TNR: variants seen among roughly 807,000 people sequenced by gnomAD.
TNR encodes tenascin-R.
TNR carries 45 observed loss-of-function variants against 150.4 expected under a neutral mutation model. That is an observed-to-expected ratio of 0.30 (90% CI 0.24 to 0.38). TNR has a LOEUF of 0.38. TNR is among the 10% of genes least tolerant of loss of function. The pLI is 1.00. For missense variants in TNR, 1,544 were observed against 1,759.1 expected (o/e 0.88, Z 2.19); for synonymous variants, 687 against 678.4 (o/e 1.01, Z -0.20).
rs1553203239 is a variant in TNR at position 175,331,037 on chromosome 1, C to CTTTCT, written c.3632-807_3632-803dup. Among the ~76,000 whole-genome samples the CTTTCT allele has an allele frequency of 7.9e-4, 57 of 72,532 alleles. 3 individuals are homozygous for CTTTCT. Among genetic ancestry groups the CTTTCT allele is most frequent in the African/African-American group, 2.5e-3 (55 of 22,196 alleles). 47.6% of individuals were successfully genotyped at this position (72,532 alleles called of 152,430 possible). A position where few individuals can be genotyped will look rare whatever the true frequency, so the allele number is the denominator to read the frequency against. On this transcript the variant is annotated intron_variant, in intron 20 of 22. Coordinates refer to ENST00000367674, the MANE Select transcript of TNR (RefSeq NM_003285.3). Reference sequence around the variant, plus strand: ...TCTTTCTTTCTTTCTTTCTTTCTTTCTTTCTTTCTTTCTTTCTTTCTTTCT... The same window carrying CTTTCT: ...TCTTTCTTTCTTTCTTTCTTTCTTTCTTTCTTTTCTTTCTTTCTTTCTTTCTTTCT...
At chr1:175,449,126 C>A (rs1417408603) in intron 2 of TNR, among the ~76,000 whole-genome samples, 2 of 152,226 alleles carry the variant, frequency 1.3e-5, no homozygotes, top group East Asian at 3.8e-4. Flanking sequence ...ATAGTAGAGA[C>A]CACTTGGAGT....
chr1:175,600,162 G>A (rs190531919), intron 1 of TNR, among the ~76,000 whole-genome samples: 1 of 152,304 alleles, frequency 6.6e-6, no homozygotes, highest in East Asian at 1.9e-4. Flanking sequence ...GTGTGTCAGA[G>A]AAGTTCTGCA....
intron 9 of TNR, among the ~76,000 whole-genome samples, chr1:175,376,873 T>TAA (rs1249749157): frequency 8.0e-6 from 1 of 125,018 alleles, no homozygotes; most frequent in Non-Finnish European, 1.7e-5. Context: ...TATATATATA[T>TAA]ATATATACAC....
At position 175,420,250 on chromosome 1, in the gene TNR, T is replaced by A. The variant is rs189552574; in HGVS notation, c.-63-13473A>T. Among the ~76,000 whole-genome samples, 728 of 152,290 alleles carry A rather than the reference T, an allele frequency of 4.8e-3. 4 individuals are homozygous for A. The highest frequency in any genetic ancestry group is 6.0e-3 in the Non-Finnish European group (406 of 68,028). ...GCTGTCCTGTGCCTGTCCCTGCAGG[T>A]ACCCACAGGAATCTGACTTCCTGGA... On this transcript the variant is annotated intron_variant, in intron 2 of 22. Coordinates refer to ENST00000367674, the MANE Select transcript of TNR (RefSeq NM_003285.3).
At chr1:175,404,473 G>A (rs369269861) in intron 3 of TNR, among the ~76,000 whole-genome samples, 42 of 152,280 alleles carry the variant, frequency 2.8e-4, no homozygotes, top group South Asian at 2.7e-3. Context: ...GATAACTACA[G>A]TGGTTAATTT....
chr1:175,428,521 A>C (rs1003244197), intron 2 of TNR, among the ~76,000 whole-genome samples: 2 of 152,208 alleles, frequency 1.3e-5, no homozygotes, highest in Non-Finnish European at 2.9e-5. Flanking sequence ...GCAACCCTGG[A>C]AGTCGAAGTT....
chr1:175,686,306 C>T (rs767479879), intron 1 of TNR, among the ~76,000 whole-genome samples: 2 of 152,180 alleles, frequency 1.3e-5, no homozygotes, highest in African/African-American at 4.8e-5. Context: ...CTTCTTCAAT[C>T]ATCTTGGAAA....
At chr1:175,738,232 T>G (rs965755141) in intron 1 of TNR, among the ~76,000 whole-genome samples, 1 of 152,072 alleles carries the variant, frequency 6.6e-6, no homozygotes, top group Non-Finnish European at 1.5e-5. Flanking sequence ...GCAGAGGCAA[T>G]TGGCAAGAAT....
At chr1:175,669,119 C>G (rs1420073793) in intron 1 of TNR, among the ~76,000 whole-genome samples, 2 of 152,226 alleles carry the variant, frequency 1.3e-5, no homozygotes, top group African/African-American at 2.4e-5. Flanking sequence ...CCCATATTCT[C>G]CCAGTAGGCA....
Position 175,706,755 on chromosome 1 carries a change from T to C in TNR, c.-165+36471A>G, listed in dbSNP as rs180759474. Among the ~76,000 whole-genome samples the C allele has an allele frequency of 5.3e-4, 81 of 152,174 alleles. 3 individuals carry two copies. Among genetic ancestry groups the C allele is most frequent in the Middle Eastern group, 3.4e-3 (1 of 294 alleles). On this transcript the variant is annotated intron_variant, in intron 1 of 22. Coordinates refer to ENST00000367674, the MANE Select transcript of TNR (RefSeq NM_003285.3). ...TGGGCCCGTGCAGGTAAAATCTAATTCCCCTTCTACATAAACAGCCCTTCA... is the reference window on the plus strand; with the variant it reads ...TGGGCCCGTGCAGGTAAAATCTAATCCCCCTTCTACATAAACAGCCCTTCA...
At chr1:175,487,075 C>T (rs1424802682) in intron 2 of TNR, among the ~76,000 whole-genome samples, 1 of 152,118 alleles carries the variant, frequency 6.6e-6, no homozygotes, top group Admixed American at 6.5e-5. Context: ...CTGTAGGTTG[C>T]CTGTTTACTC....
chr1:175,385,959 G>A, intron 8 of TNR, 73 bp downstream of exon 8: 1 of 1,484,758 alleles, frequency 6.7e-7, no homozygotes, highest in Non-Finnish European at 9.0e-7. Flanking sequence ...TACTCCTCTT[G>A]CTGTGATGAC....
intron 4 of TNR, among the ~76,000 whole-genome samples, chr1:175,399,797 G>A (rs1021991240): frequency 6.6e-6 from 1 of 152,194 alleles, no homozygotes; most frequent in Non-Finnish European, 1.5e-5. Context: ...AATCAGGGTT[G>A]CTTATCTGCA....
At chr1:175,473,453 G>A (rs1657384416) in intron 2 of TNR, among the ~76,000 whole-genome samples, 2 of 152,202 alleles carry the variant, frequency 1.3e-5, no homozygotes, top group Admixed American at 1.3e-4. Flanking sequence ...GCTTCAGGCT[G>A]AATTGTTGTT....
chr1:175,475,046 C>T (rs778771911), intron 2 of TNR, among the ~76,000 whole-genome samples: 7 of 152,188 alleles, frequency 4.6e-5, no homozygotes, highest in Admixed American at 6.5e-5. Flanking sequence ...AAGAGGAAGT[C>T]TATAGCAACA....
intron 9 of TNR, among the ~76,000 whole-genome samples, chr1:175,374,504 G>A (rs974915082): frequency 6.6e-6 from 1 of 152,096 alleles, no homozygotes; most frequent in Non-Finnish European, 1.5e-5. Context: ...GTGCATATGT[G>A]CTTAAGTGTA....
chr1:175,619,260 T>C (rs1317116688), intron 1 of TNR, among the ~76,000 whole-genome samples: 1 of 152,218 alleles, frequency 6.6e-6, no homozygotes. Flanking sequence ...CATGAGAGCA[T>C]TGTCCATTCC....
chr1:175,324,639 C>T, intron 21 of TNR, 120 bp from the exon 22 acceptor site: 1 of 1,203,090 alleles, frequency 8.3e-7, no homozygotes. Context: ...TTCATTTCCA[C>T]CCAGTTTCTC....
chr1:175,417,012 A>AAAGAAAGAAAGAAAGG lies in TNR; in HGVS notation c.-63-10236_-63-10235insCCTTTCTTTCTTTCTT, dbSNP rs1557920103. Among the ~76,000 whole-genome samples, 16 of 56,142 alleles carry AAAGAAAGAAAGAAAGG rather than the reference A, an allele frequency of 2.8e-4. 1 individual carries two copies. Among genetic ancestry groups the AAAGAAAGAAAGAAAGG allele is most frequent in the African/African-American group, 9.1e-4 (15 of 16,566 alleles). The allele number at this position is 56,142 out of a possible 152,430, so 36.8% of individuals were successfully genotyped here. A position where few individuals can be genotyped will look rare whatever the true frequency, so the allele number is the denominator to read the frequency against. The stretch of plus-strand genomic sequence containing the variant: ...TACAGAGCGAGACTCCATCTCAAAA[A>AAAGAAAGAAAGAAAGG]AAGAAAGAAAGAAAGAAAGAAAGAA... On this transcript the variant is annotated intron_variant, in intron 2 of 22. Transcript: ENST00000367674.
Sources: gnomAD v4.1 joint callset for allele counts (sites outside exome capture counted in the v4.1 genomes callset) on GRCh38, gnomAD v4.1.1 for gene constraint, MANE v1.5 for transcripts, NCBI Gene and HGNC (gene_info 2026-07-23, HGNC 2026-07-21) for gene names.